Variants in CEP83 observed in about 807,000 individuals in gnomAD.
CEP83 encodes centrosomal protein of 83 kDa.
CEP83 carries 70 observed loss-of-function variants against 101.9 expected under a neutral mutation model. That is an observed-to-expected ratio of 0.69 (90% CI 0.57 to 0.84). The LOEUF (loss-of-function observed/expected upper bound fraction) is 0.84, where lower values mean the gene tolerates loss of function less well. CEP83 is among the 40% of genes least tolerant of loss of function. The pLI is 0.00. For synonymous variants in CEP83, 264 were observed against 267.9 expected, an observed-to-expected ratio of 0.99 and a Z score of 0.14; for missense variants, 715 against 787.2, an observed-to-expected ratio of 0.91 and a Z score of 1.10.
intron 11 of CEP83, among the ~76,000 whole-genome samples, chr12:94,338,818 A>G (rs17022408): frequency 0.14 from 21,312 of 152,130 alleles, 2,198 homozygotes; most frequent in African/African-American, 0.29. Flanking sequence ...ATGTAGCTAT[A>G]AATAAGTTTA....
At chr12:94,267,963 G>C in the CEP83 span, among the ~76,000 whole-genome samples, 1 of 152,142 alleles carries the variant, frequency 6.6e-6, no homozygotes, top group Non-Finnish European at 1.5e-5. Context: ...AAGGTGCGGT[G>C]AACAAACTGA....
the CEP83 span, among the ~76,000 whole-genome samples, chr12:94,281,598 A>T: frequency 1.1e-5 from 1 of 89,312 alleles, no homozygotes; most frequent in Non-Finnish European, 2.2e-5. Flanking sequence ...TTTAAAAAAA[A>T]TTTTATAGAG....
At chr12:94,407,791 A>C (rs187628556) in intron 4 of CEP83, 1 of 152,294 alleles carries the variant, frequency 6.6e-6, no homozygotes, top group East Asian at 1.9e-4. Flanking sequence ...TTAGGAAAAA[A>C]TATTCTCTCT....
chr12:94,408,587 T>C (rs1436109684), intron 4 of CEP83, among the ~76,000 whole-genome samples: 1 of 152,122 alleles, frequency 6.6e-6, no homozygotes, highest in Non-Finnish European at 1.5e-5. Flanking sequence ...ACCATACTAA[T>C]ACTTTTTTTT....
chr12:94,368,405 G>C lies in CEP83; in HGVS notation c.1049-204C>G. The C allele has an allele frequency of 7.6e-6, 4 of 527,272 alleles. No homozygotes were observed. The South Asian group carries it at 8.5e-5, about 11-fold the overall frequency. 32.7% of individuals were successfully genotyped at this position (527,272 alleles called of 1,614,324 possible). A position where few individuals can be genotyped will look rare whatever the true frequency, so the allele number is the denominator to read the frequency against. On this transcript the variant is annotated intron_variant, in intron 9 of 16. Transcript: ENST00000397809. The stretch of plus-strand genomic sequence containing the variant: ...GCTAAAACTCAGAGCAAATTTTCCT[G>C]TCACTGTTTATTTAGTGCATACACA...
intron 11 of CEP83, among the ~76,000 whole-genome samples, chr12:94,342,677 TA>T (rs1377572961): frequency 1.3e-5 from 2 of 151,242 alleles, no homozygotes; most frequent in Admixed American, 1.3e-4. Context: ...AACACACATT[TA>T]AAAAGCAAAA....
At chr12:94,430,873 T>C (rs2065568833) in intron 2 of CEP83, among the ~76,000 whole-genome samples, 1 of 152,136 alleles carries the variant, frequency 6.6e-6, no homozygotes, top group Non-Finnish European at 1.5e-5. Context: ...CGAAATTCAT[T>C]TCACCTATAA....
intron 14 of CEP83, among the ~76,000 whole-genome samples, chr12:94,325,777 A>G (rs975646287): frequency 1.1e-4 from 17 of 152,228 alleles, no homozygotes; most frequent in Non-Finnish European, 2.4e-4. Context: ...GGAAGAATTC[A>G]TAGGCTTTAT....
intron 1 of CEP83, among the ~76,000 whole-genome samples, chr12:94,446,664 T>C (rs1021397822): frequency 2.6e-5 from 4 of 152,020 alleles, no homozygotes; most frequent in Non-Finnish European, 5.9e-5. Flanking sequence ...GCTGAGATCA[T>C]GCCACTGCAC....
chr12:94,449,023 G>A (rs1257204370), intron 1 of CEP83, among the ~76,000 whole-genome samples: 60 of 119,906 alleles, frequency 5.0e-4, no homozygotes, highest in South Asian at 5.7e-4. Flanking sequence ...CAACAAAATC[G>A]AAAAAAAAAA....
intron 6 of CEP83, among the ~76,000 whole-genome samples, chr12:94,385,229 C>T (rs889761683): frequency 6.6e-6 from 1 of 152,084 alleles, no homozygotes; most frequent in African/African-American, 2.4e-5. Flanking sequence ...GGATGGGAAG[C>T]GTAGGAGTAA....
chr12:94,378,612 C>T (rs1018711396), intron 7 of CEP83, among the ~76,000 whole-genome samples, 179 bp downstream of exon 7: 2 of 152,138 alleles, frequency 1.3e-5, no homozygotes, highest in African/African-American at 4.8e-5. Context: ...TGGTAGCATA[C>T]GTATTGCTTA....
chr12:94,417,958 T>G (rs2064413089), intron 2 of CEP83, among the ~76,000 whole-genome samples: 4 of 152,136 alleles, frequency 2.6e-5, no homozygotes, highest in African/African-American at 7.2e-5. Flanking sequence ...ATAAAAATGC[T>G]TAAACAAACA....
intron 6 of CEP83, among the ~76,000 whole-genome samples, chr12:94,392,373 T>G (rs111424346): frequency 1.3e-5 from 2 of 152,152 alleles, no homozygotes; most frequent in African/African-American, 4.8e-5. Context: ...ACTGAACAAC[T>G]TGCTCCTGAA....
intron 14 of CEP83, among the ~76,000 whole-genome samples, chr12:94,321,435 C>G (rs940896693): frequency 2.0e-5 from 3 of 152,190 alleles, no homozygotes; most frequent in Non-Finnish European, 4.4e-5. Flanking sequence ...GACACTCCGA[C>G]CATCTGTGTT....
chr12:94,335,801 C>T lies in CEP83; in HGVS notation c.1344-137G>A, dbSNP rs4761605. 69,427 of 642,400 alleles carry T rather than the reference C, an allele frequency of 0.11. 4,214 individuals are homozygous for T. Among genetic ancestry groups the T allele is most frequent in the Admixed American group, 0.16 (4,730 of 29,560 alleles). 39.8% of individuals were successfully genotyped at this position (642,400 alleles called of 1,614,324 possible). A position where few individuals can be genotyped will look rare whatever the true frequency, so the allele number is the denominator to read the frequency against. On this transcript the variant is annotated intron_variant, in intron 11 of 16. Coordinates refer to ENST00000397809, the MANE Select transcript of CEP83 (RefSeq NM_016122.3). ...AACCAAAGATTGAGACTTCAAGAAA[C>T]TAGGTTGTGTTCACGTATAACAAAA...
At chr12:94,342,797 C>T (rs2059742759) in intron 11 of CEP83, among the ~76,000 whole-genome samples, 1 of 150,346 alleles carries the variant, frequency 6.7e-6, no homozygotes, top group East Asian at 2.0e-4. Context: ...AAAAAAAAGA[C>T]AAAAAAAGCA....
intron 2 of CEP83, chr12:94,424,346 G>A: frequency 3.1e-6 from 5 of 1,614,118 alleles, no homozygotes; most frequent in Non-Finnish European, 4.2e-6. Context: ...ATCGGATGGG[G>A]CTGGTACTCC....
chr12:94,273,234 A>G, the CEP83 span, among the ~76,000 whole-genome samples: 6 of 152,064 alleles, frequency 3.9e-5, no homozygotes, highest in African/African-American at 9.7e-5. Context: ...TTTCTTTACC[A>G]TATTTTTTTC....
Sources: gnomAD v4.1 joint callset for allele counts (sites outside exome capture counted in the v4.1 genomes callset) on GRCh38, gnomAD v4.1.1 for gene constraint, MANE v1.5 for transcripts, NCBI Gene and HGNC (gene_info 2026-07-23, HGNC 2026-07-21) for gene names.